The following C4orf50 variants were observed in gnomAD, a reference collection of about 807,000 sequenced individuals.
The protein encoded by C4orf50 is uncharacterized protein C4orf50.
Under a neutral mutation model 77.2 loss-of-function variants are expected in C4orf50, and 80 were observed. That is an observed-to-expected ratio of 1.04 (90% CI 0.87 to 1.25). C4orf50 has a LOEUF of 1.25. Ranked by LOEUF, C4orf50 falls within the 50% of genes most tolerant of loss-of-function variation. The pLI, the probability that C4orf50 is intolerant of heterozygous loss-of-function variation, is 0.00. For missense variants in C4orf50, 1,257 were observed against 1,152.9 expected (o/e 1.09, Z -1.31); for synonymous variants, 532 against 465.3 (o/e 1.14, Z -1.84).
chr4:5,939,458 C>T (rs1465892788), intron 7 of C4orf50, among the ~76,000 whole-genome samples: 5 of 152,142 alleles, frequency 3.3e-5, no homozygotes, highest in Non-Finnish European at 7.4e-5. Flanking sequence ...TTTGAGGGCA[C>T]CATGGGGTCA....
At chr4:5,976,763 G>C (rs1469866084) in intron 29 of C4orf50, among the ~76,000 whole-genome samples, 2 of 152,230 alleles carry the variant, frequency 1.3e-5, no homozygotes, top group Non-Finnish European at 2.9e-5. Context: ...AAAGTGCTTA[G>C]AACAAGCCCT....
intron 7 of C4orf50, among the ~76,000 whole-genome samples, chr4:5,940,766 T>A (rs1458214616): frequency 1.3e-5 from 2 of 152,234 alleles, no homozygotes; most frequent in Non-Finnish European, 2.9e-5. Flanking sequence ...GTGGGAGATT[T>A]GAGCCTGGGC....
chr4:5,969,529 G>A (rs10004228), intron 31 of C4orf50, among the ~76,000 whole-genome samples: 3,781 of 151,766 alleles, frequency 0.025, 152 homozygotes, highest in African/African-American at 0.086. Context: ...TCTTTGCCCC[G>A]ACTGGATGAC....
In C4orf50 at chr4:6,003,595, T is replaced by C. The variant is rs199515489; in HGVS notation, c.963+4401A>G. Among the ~76,000 whole-genome samples, 258 of 120,542 alleles carry C rather than the reference T, an allele frequency of 2.1e-3. 1 individual carries two copies. The East Asian group carries it at 0.083, about 39-fold the overall frequency. The allele number at this position is 120,542 out of a possible 152,430, so 79.1% of individuals were successfully genotyped here. A position where few individuals can be genotyped will look rare whatever the true frequency, so the allele number is the denominator to read the frequency against. On this transcript the variant is annotated intron_variant, in intron 25 of 33. Coordinates refer to ENST00000531445, the Ensembl canonical transcript of C4orf50. ...GGTGATGATGTGATGGTGATGTTGA[T>C]GGTGGTGATGGTGATGATGGTGATG...
At chr4:5,975,520 GTTTT>G (rs1720224670) in intron 30 of C4orf50, among the ~76,000 whole-genome samples, 1 of 151,300 alleles carries the variant, frequency 6.6e-6, no homozygotes, top group African/African-American at 2.5e-5. Flanking sequence ...GTTTTGTTTT[GTTTT>G]GTTTTGAGTC....
intron 7 of C4orf50, among the ~76,000 whole-genome samples, chr4:5,943,940 T>C (rs927762560): frequency 6.6e-6 from 1 of 152,180 alleles, no homozygotes; most frequent in Non-Finnish European, 1.5e-5. Context: ...GGCCAGACAG[T>C]GGGGGCCAAA....
intron 7 of C4orf50, among the ~76,000 whole-genome samples, chr4:5,921,650 C>T (rs955547961): frequency 1.2e-4 from 18 of 151,984 alleles, no homozygotes; most frequent in African/African-American, 4.1e-4. Context: ...GGTAAGTTGG[C>T]AGGCAGAGCT....
At chr4:5,974,391 C>T (rs7677778) in intron 30 of C4orf50, among the ~76,000 whole-genome samples, 70,615 of 151,896 alleles carry the variant, frequency 0.46, 16,707 homozygotes, top group East Asian at 0.71. Context: ...CTGCACCTTT[C>T]CAGCTACCAC....
At chr4:5,927,116 T>C (rs191429189) in intron 7 of C4orf50, among the ~76,000 whole-genome samples, 4 of 152,168 alleles carry the variant, frequency 2.6e-5, no homozygotes, top group Admixed American at 2.6e-4. Flanking sequence ...AAGCAGGAGA[T>C]GGAGGTGGCA....
chr4:5,964,997 G>A (rs1000788332), intron 33 of C4orf50, 27 bp downstream of exon 11: 1 of 1,598,196 alleles, frequency 6.3e-7, no homozygotes, highest in Non-Finnish European at 8.5e-7. Context: ...GTTCATTTAG[G>A]AAATGAGGTG....
At chr4:5,940,765 T>G (rs116273155) in intron 7 of C4orf50, among the ~76,000 whole-genome samples, 105 of 152,312 alleles carry the variant, frequency 6.9e-4, no homozygotes, top group African/African-American at 2.5e-3. Context: ...CGTGGGAGAT[T>G]TGAGCCTGGG....
At position 6,008,205 on chromosome 4, in the gene C4orf50, G is replaced by A; in HGVS notation, c.754C>T (p.Arg252Cys). The A allele has an allele frequency of 1.5e-5, 6 of 397,666 alleles. No individual in the cohort carries two copies. Among genetic ancestry groups the A allele is most frequent in the East Asian group, 3.6e-5 (1 of 28,034 alleles). The allele number at this position is 397,666 out of a possible 1,614,324, so 24.6% of individuals were successfully genotyped here. ...CTGCGCGCCGCCTCTTCCCGCTCGCGCTCGCTGCGCTCTGCCCTCGCCTGC... is the reference window on the plus strand; with the variant it reads ...CTGCGCGCCGCCTCTTCCCGCTCGCACTCGCTGCGCTCTGCCCTCGCCTGC... Residue 252 changes from arginine (R) to cysteine (C), a missense_variant, in exon 25 of 34, where the codon CGC becomes TGC. Arg to Cys is a radical substitution (Grantham distance 180, BLOSUM62 -3). Transcript: ENST00000531445. This position sits in a 1 kb window ranked among gnomAD's most constrained non-coding sequence, Gnocchi z 6.0.
chr4:5,926,154 C>T (rs1398327975), intron 7 of C4orf50, among the ~76,000 whole-genome samples: 1 of 152,190 alleles, frequency 6.6e-6, no homozygotes, highest in African/African-American at 2.4e-5. Context: ...GTGACCTAAA[C>T]ACTCATAATA....
chr4:5,963,032 C>A (rs1164890376), intron 33 of C4orf50, among the ~76,000 whole-genome samples: 1 of 144,698 alleles, frequency 6.9e-6, no homozygotes, highest in Non-Finnish European at 1.5e-5. Flanking sequence ...GATGGAGTCT[C>A]GCTCTGTTGC....
At chr4:5,957,539 A>G (rs1027403949) in exon 34 of C4orf50, 1 of 152,170 alleles carries the variant, frequency 6.6e-6, no homozygotes, top group African/African-American at 2.4e-5. Flanking sequence ...GTGGTTTCCA[A>G]TCTGGGGATT....
At chr4:5,931,215 C>G (rs1338276648) in intron 7 of C4orf50, among the ~76,000 whole-genome samples, 1 of 152,146 alleles carries the variant, frequency 6.6e-6, no homozygotes, top group Non-Finnish European at 1.5e-5. Context: ...GGCTACTTGG[C>G]TGGTGTGTTC....
chr4:5,976,681 G>A (rs1422434088), intron 29 of C4orf50, among the ~76,000 whole-genome samples: 4 of 152,208 alleles, frequency 2.6e-5, no homozygotes, highest in Non-Finnish European at 5.9e-5. Context: ...CTTCTCATCT[G>A]TGAAGGGGGC....
At chr4:5,979,444 G>C (rs1720451741) in intron 29 of C4orf50, among the ~76,000 whole-genome samples, 1 of 152,222 alleles carries the variant, frequency 6.6e-6, no homozygotes, top group African/African-American at 2.4e-5. Flanking sequence ...ATGCAGCATG[G>C]TTTTGTACAG....
chr4:6,003,042 C>T (rs1721903780), intron 25 of C4orf50, among the ~76,000 whole-genome samples: 1 of 152,188 alleles, frequency 6.6e-6, no homozygotes, highest in African/African-American at 2.4e-5. Flanking sequence ...GGGCTTCACC[C>T]ACCTGCTCTG....
Sources: gnomAD v4.1 joint callset for allele counts (sites outside exome capture counted in the v4.1 genomes callset) on GRCh38, gnomAD v4.1.1 for gene constraint, Gnocchi (gnomAD v3.1) non-coding constraint, MANE v1.5 for transcripts, NCBI Gene and HGNC (gene_info 2026-07-23, HGNC 2026-07-21) for gene names.